SYT17: variants seen among roughly 807,000 people sequenced by gnomAD.
SYT17 encodes synaptotagmin-17.
Under a neutral mutation model 46.7 loss-of-function variants are expected in SYT17, and 22 were observed. The ratio of observed to expected loss-of-function variants is 0.47; its 90% CI spans 0.34 to 0.67. SYT17 has a LOEUF of 0.67. SYT17 is among the 30% of genes least tolerant of loss of function. The probability of loss-of-function intolerance (pLI) is 0.01; values close to 1 mark genes in which losing one functional copy is unlikely to be tolerated. For synonymous variants in SYT17, 251 were observed against 248.4 expected (o/e 1.01, Z -0.10); for missense variants, 519 against 612.8 (o/e 0.85, Z 1.62).
At chr16:19,263,653 A>G (rs1364673008) in intron 7 of SYT17, among the ~76,000 whole-genome samples, 1 of 151,150 alleles carries the variant, frequency 6.6e-6, no homozygotes, top group East Asian at 1.9e-4. Context: ...AAAAAAAAAA[A>G]AAAAAGAAAA....
At chr16:19,181,673 A>G (rs1020546065) in intron 4 of SYT17, among the ~76,000 whole-genome samples, 2 of 151,012 alleles carry the variant, frequency 1.3e-5, no homozygotes, top group East Asian at 1.9e-4. Flanking sequence ...GTAAGTGCAA[A>G]ATACATACTG....
intron 5 of SYT17, among the ~76,000 whole-genome samples, chr16:19,198,078 G>T (rs1447487949): frequency 6.6e-6 from 1 of 152,192 alleles, no homozygotes; most frequent in African/African-American, 2.4e-5. Context: ...AATGGGGATT[G>T]TGTGGTGTGC....
chr16:19,256,352 T>G (rs1597042933), intron 7 of SYT17, among the ~76,000 whole-genome samples: 1 of 151,778 alleles, frequency 6.6e-6, no homozygotes, highest in East Asian at 2.0e-4. Flanking sequence ...GGCGCCTTTA[T>G]GAGGATTTTC....
intron 5 of SYT17, among the ~76,000 whole-genome samples, chr16:19,208,881 C>CTTTT (rs1567213098): frequency 1.5e-4 from 8 of 54,446 alleles, no homozygotes; most frequent in African/African-American, 5.5e-4. Context: ...CTACAAGGAC[C>CTTTT]TTCTTTTTTT....
intron 5 of SYT17, among the ~76,000 whole-genome samples, chr16:19,186,048 A>G (rs1964776340): frequency 6.6e-6 from 1 of 152,164 alleles, no homozygotes; most frequent in Admixed American, 6.5e-5. Flanking sequence ...TTGAAGAGGG[A>G]CAGCCGGGCC....
chr16:19,254,143 G>T (rs947762471), intron 7 of SYT17, among the ~76,000 whole-genome samples: 10 of 152,224 alleles, frequency 6.6e-5, no homozygotes, highest in African/African-American at 2.4e-4. Flanking sequence ...GTTGTTAAAG[G>T]TCTTCTTGCT....
chr16:19,221,166 G>A (rs984981008), intron 5 of SYT17, among the ~76,000 whole-genome samples: 4 of 139,918 alleles, frequency 2.9e-5, no homozygotes, highest in Non-Finnish European at 6.1e-5. Flanking sequence ...CAGACTGAGT[G>A]ATAGGGTGAG....
At chr16:19,172,813 TAATC>T in intron 2 of SYT17, 36 bp downstream of exon 2, 1 of 1,613,608 alleles carries the variant, frequency 6.2e-7, no homozygotes. Flanking sequence ...GTCTGGTTTC[TAATC>T]AAGAAATGCC....
intron 5 of SYT17, among the ~76,000 whole-genome samples, 187 bp from the exon 6 acceptor site, chr16:19,222,858 C>T (rs1349156153): frequency 1.3e-5 from 2 of 152,094 alleles, no homozygotes; most frequent in African/African-American, 4.8e-5. Flanking sequence ...GCGGAAAAAA[C>T]TCAGAGATAG....
chr16:19,194,828 C>A lies in SYT17; in HGVS notation c.951+10681C>A, dbSNP rs139965974. On this transcript the variant is annotated intron_variant, in intron 5 of 7. Coordinates refer to ENST00000355377, the MANE Select transcript of SYT17 (RefSeq NM_016524.4). ...GCCCAGGCTGGTCTCGAACTCCTGACCTCAAGCAATCCTCCTGCCTTGGCC... is the reference window on the plus strand; with the variant it reads ...GCCCAGGCTGGTCTCGAACTCCTGAACTCAAGCAATCCTCCTGCCTTGGCC... Among the ~76,000 whole-genome samples the A allele has an allele frequency of 5.9e-3, 900 of 152,220 alleles. 9 individuals carry two copies. The highest frequency in any genetic ancestry group is 0.021 in the African/African-American group (874 of 41,522).
At chr16:19,266,822 G>C in intron 7 of SYT17, 58 bp from the exon 8 acceptor site, 3 of 1,527,354 alleles carry the variant, frequency 2.0e-6, no homozygotes, top group Non-Finnish European at 2.7e-6. Context: ...CTGCCTTCCT[G>C]TTCTGTTCCC....
intron 7 of SYT17, among the ~76,000 whole-genome samples, chr16:19,235,787 A>G (rs559299191): frequency 2.0e-5 from 3 of 152,246 alleles, no homozygotes; most frequent in Non-Finnish European, 2.9e-5. Context: ...AAAAAGTACA[A>G]TCACTGAAAC....
chr16:19,257,257 A>AC (rs1333774075), intron 7 of SYT17, among the ~76,000 whole-genome samples: 1 of 152,102 alleles, frequency 6.6e-6, no homozygotes, highest in Non-Finnish European at 1.5e-5. Flanking sequence ...GAAAAACATC[A>AC]CCCTTAAGTC....
chr16:19,181,940 A>C (rs1964572914), intron 4 of SYT17, among the ~76,000 whole-genome samples: 2 of 150,792 alleles, frequency 1.3e-5, no homozygotes, highest in South Asian at 4.2e-4. Flanking sequence ...TGGAGGTTGC[A>C]GTGAGCCGAG....
chr16:19,266,976 G>A lies in SYT17; in HGVS notation c.1325G>A (p.Arg442His), dbSNP rs745673988. 177 of 1,613,638 alleles carry A rather than the reference G, an allele frequency of 1.1e-4. No homozygotes were observed. Among genetic ancestry groups the A allele is most frequent in the Non-Finnish European group, 1.4e-4 (168 of 1,179,990 alleles). ...SGPSETNHWR[R>H]MLNTHRTAVE... ...CCCTCTGAGACCAACCACTGGAGGC[G>A]CATGCTCAACACGCACCGCACAGCC... Residue 442 changes from arginine (R) to histidine (H), a missense_variant, in exon 8 of 8, where the codon CGC (arginine) becomes CAC (histidine). Arg to His is a conservative substitution (Grantham distance 29). Transcript: ENST00000355377.
intron 5 of SYT17, among the ~76,000 whole-genome samples, chr16:19,220,937 A>T (rs763096947): frequency 6.6e-6 from 1 of 151,998 alleles, no homozygotes; most frequent in African/African-American, 2.4e-5. Context: ...CATGCCTGTT[A>T]TCCCAACAGT....
At chr16:19,202,437 C>T (rs780389501) in intron 5 of SYT17, among the ~76,000 whole-genome samples, 16 of 152,218 alleles carry the variant, frequency 1.1e-4, no homozygotes, top group East Asian at 1.9e-4. Flanking sequence ...ACGCCCTCAA[C>T]GGGCACAGCA....
intron 7 of SYT17, among the ~76,000 whole-genome samples, chr16:19,233,360 AG>A (rs929208910): frequency 6.6e-6 from 1 of 152,072 alleles, no homozygotes; most frequent in African/African-American, 2.4e-5. Context: ...TGTTCTTTAA[AG>A]GGGTTGGGGG....
intron 7 of SYT17, among the ~76,000 whole-genome samples, chr16:19,241,168 C>T (rs919700453): frequency 3.3e-5 from 5 of 151,872 alleles, no homozygotes; most frequent in African/African-American, 4.8e-5. Context: ...GGGATGGTCT[C>T]GATCTCCTGA....
Sources: allele counts gnomAD v4.1 joint callset (sites outside exome capture counted in the v4.1 genomes callset), GRCh38; gene constraint gnomAD v4.1.1; transcripts MANE v1.5; gene names NCBI Gene and HGNC (gene_info 2026-07-23, HGNC 2026-07-21).